The following ASMTL variants were observed in gnomAD, a reference collection of about 807,000 sequenced individuals.
ASMTL encodes probable bifunctional dTTP/UTP pyrophosphatase/methyltransferase protein.
A neutral mutation model predicts 60.3 loss-of-function variants in ASMTL; 57 were observed. The ratio of observed to expected loss-of-function variants is 0.95; its 90% CI spans 0.76 to 1.18. The LOEUF (loss-of-function observed/expected upper bound fraction) is 1.18. ASMTL is among the 50% of genes most tolerant of loss of function. The pLI, the probability that ASMTL is intolerant of heterozygous loss-of-function variation, is 0.00. For missense variants in ASMTL, 981 were observed against 852.6 expected, an observed-to-expected ratio of 1.15 and a Z score of -1.88; for synonymous variants, 419 against 373.0, an observed-to-expected ratio of 1.12 and a Z score of -1.42.
rs1271282237 is a variant in ASMTL, at chrX:1,412,802, C to G, written c.1575G>C (p.Arg525=). 1.9e-6 allele frequency: 3 copies of G among 1,613,860 alleles called. No homozygotes were observed. Among genetic ancestry groups the G allele is most frequent in the Non-Finnish European group, 2.5e-6 (3 of 1,179,876 alleles). ...TGTCGTCTGGCCAGTCATGCAGGAT[C>G]CGGCACAGGACGTACAGCTCAGCGC... ...LPSAELYVLC[R]ILHDWPDDKV... is the part of the protein sequence containing the mutation. Residue 525 remains arginine (R), a synonymous_variant, in exon 12 of 13, where the codon CGG becomes CGC. Transcript: ENST00000381317.
Position 1,435,871 on chromosome X carries a change from G to A in ASMTL, c.274-113C>T, listed in dbSNP as rs1206618110. ...TGTTTTATGGAAATGAAGCTGACAC[G>A]TCCTGAGAGTCGCCATTTCAAACAA... On this transcript the variant is annotated intron_variant, in intron 3 of 12. Coordinates refer to ENST00000381317, the MANE Select transcript of ASMTL (RefSeq NM_004192.4). The A allele has an allele frequency of 1.3e-5, 12 of 892,344 alleles. 1 individual carries two copies. Among genetic ancestry groups the A allele is most frequent in the South Asian group, 5.4e-5 (4 of 74,188 alleles). 55.3% of individuals were successfully genotyped at this position (892,344 alleles called of 1,614,324 possible).
At chrX:1,451,457 T>A (rs2091380925) in intron 1 of ASMTL, among the ~76,000 whole-genome samples, 2 of 132,670 alleles carry the variant, frequency 1.5e-5, no homozygotes, top group Non-Finnish European at 3.2e-5. Context: ...CCCTCCCTCA[T>A]CCTTTTGGGT....
intron 11 of ASMTL, among the ~76,000 whole-genome samples, chrX:1,416,906 T>A (rs1360683123): frequency 1.4e-5 from 2 of 140,652 alleles, no homozygotes; most frequent in African/African-American, 2.7e-5. Flanking sequence ...CTCAGAGACA[T>A]ACACACCACA....
intron 1 of ASMTL, among the ~76,000 whole-genome samples, chrX:1,443,799 G>A (rs1355370503): frequency 3.3e-5 from 5 of 149,866 alleles, no homozygotes; most frequent in East Asian, 2.0e-4. Context: ...CACCCCCATC[G>A]TGGACAGACA....
At chrX:1,418,674 T>C (rs1477903254) in intron 10 of ASMTL, among the ~76,000 whole-genome samples, 2 of 151,706 alleles carry the variant, frequency 1.3e-5, no homozygotes, top group Middle Eastern at 3.2e-3. Context: ...AGGGCTGGGG[T>C]GGGGTGGAGG....
At chrX:1,439,961 G>A (rs1337796727) in intron 2 of ASMTL, among the ~76,000 whole-genome samples, 2 of 152,128 alleles carry the variant, frequency 1.3e-5, no homozygotes, top group African/African-American at 4.8e-5. Context: ...ACATCTGTGT[G>A]CAGCTTTGAC....
chrX:1,452,350 A>T (rs1396436570), intron 1 of ASMTL, among the ~76,000 whole-genome samples: 1 of 131,986 alleles, frequency 7.6e-6, no homozygotes, highest in East Asian at 2.5e-4. Context: ...CCCCATCCCC[A>T]TGCCTGGGGG....
chrX:1,421,000 C>T (rs1197766747), intron 9 of ASMTL, among the ~76,000 whole-genome samples: 2 of 150,074 alleles, frequency 1.3e-5, no homozygotes, highest in Admixed American at 6.6e-5. Flanking sequence ...CGCTCTGTCA[C>T]CCAGGCTGGA....
intron 12 of ASMTL, among the ~76,000 whole-genome samples, chrX:1,407,677 A>G (rs2089916913): frequency 6.6e-6 from 1 of 152,194 alleles, no homozygotes; most frequent in Admixed American, 6.5e-5. Flanking sequence ...TGAGCCCAGG[A>G]GTTTGAAACC....
chrX:1,404,657 T>A (rs1285156048), intron 12 of ASMTL, among the ~76,000 whole-genome samples: 1 of 149,468 alleles, frequency 6.7e-6, no homozygotes, highest in Non-Finnish European at 1.5e-5. Flanking sequence ...ATGAGATGGA[T>A]GGATGGGTGA....
chrX:1,444,772 T>C (rs1751521617), intron 1 of ASMTL, among the ~76,000 whole-genome samples: 1 of 152,108 alleles, frequency 6.6e-6, no homozygotes, highest in Non-Finnish European at 1.5e-5. Context: ...GGCTAACTCC[T>C]GGATCGTGAG....
rs1351499025 is a variant in ASMTL, at chrX:1,427,888, G to T, written c.743C>A (p.Pro248His). 1.9e-6 allele frequency: 3 copies of T among 1,613,242 alleles called. No homozygotes were observed. Among genetic ancestry groups the T allele is most frequent in the Non-Finnish European group, 1.7e-6 (2 of 1,179,826 alleles). Residue 248 changes from proline to histidine, a missense_variant, in exon 7 of 13, where the codon CCC (proline) becomes CAC (histidine). Pro to His is a moderately conservative substitution (Grantham distance 77). Transcript: ENST00000381317. The part of the protein sequence containing the change: ...LSDVEGGGSE[P>H]TQRDAGSRDE... ...GCGGCTGCCCGCGTCCCTCTGAGTGGGCTCCGAGCCGCCCCCCTCCACGTC... is the reference window on the plus strand; with the variant it reads ...GCGGCTGCCCGCGTCCCTCTGAGTGTGCTCCGAGCCGCCCCCCTCCACGTC...
At chrX:1,438,426 G>T (rs2091028727) in intron 3 of ASMTL, among the ~76,000 whole-genome samples, 1 of 152,228 alleles carries the variant, frequency 6.6e-6, no homozygotes. Context: ...GCTGGAGAAA[G>T]ACCAAGACCA....
chrX:1,416,172 T>G (rs111162408), intron 11 of ASMTL, among the ~76,000 whole-genome samples: 1 of 99,168 alleles, frequency 1.0e-5, no homozygotes, highest in African/African-American at 4.3e-5. Flanking sequence ...CATACAGATA[T>G]AGCGACAGGC....
chrX:1,412,823 A>G lies in ASMTL; in HGVS notation c.1554T>C (p.Ala518=). The change falls in exon 12 of 13, where the codon GCT becomes GCC. Residue 518 remains alanine (A), a synonymous_variant. Coordinates refer to ENST00000381317, the MANE Select transcript of ASMTL (RefSeq NM_004192.4). ...GDFFRDPLPS[A]ELYVLCRILH... ...GGATCCGGCACAGGACGTACAGCTC[A>G]GCGCTGGGGAGGGGGTCCCTGAAAA... is the stretch of plus-strand genomic sequence containing the variant. 1.9e-6 allele frequency: 3 copies of G among 1,613,920 alleles called. No individual in the cohort carries two copies. Among genetic ancestry groups the G allele is most frequent in the Non-Finnish European group, 2.5e-6 (3 of 1,179,828 alleles).
intron 9 of ASMTL, 93 bp downstream of exon 9, chrX:1,421,565 C>CA: frequency 7.3e-7 from 1 of 1,370,922 alleles, no homozygotes; most frequent in Non-Finnish European, 1.0e-6. Context: ...AGACTGGAGA[C>CA]AGACTGGTCA....
At chrX:1,430,071 G>A (rs1259984706) in intron 6 of ASMTL, among the ~76,000 whole-genome samples, 3 of 151,676 alleles carry the variant, frequency 2.0e-5, no homozygotes, top group Non-Finnish European at 4.4e-5. Context: ...CTGGAGTGCA[G>A]TGGCGCGATC....
At chrX:1,424,766 TCATCCATCCACC>T (rs1252275992) in intron 8 of ASMTL, among the ~76,000 whole-genome samples, 2 of 144,818 alleles carry the variant, frequency 1.4e-5, no homozygotes, top group Non-Finnish European at 3.0e-5. Context: ...ACTCACCCAC[TCATCCATCCACC>T]CATCCATCCA....
At chrX:1,417,947 G>A (rs1329665356) in intron 11 of ASMTL, 26 bp downstream of exon 11, 1 of 1,586,956 alleles carries the variant, frequency 6.3e-7, no homozygotes, top group East Asian at 2.3e-5. Flanking sequence ...GAAAAGGTTA[G>A]CAGGGTGAAC....
Sources: gnomAD v4.1 joint callset for allele counts (sites outside exome capture counted in the v4.1 genomes callset) on GRCh38, gnomAD v4.1.1 for gene constraint, MANE v1.5 for transcripts, NCBI Gene and HGNC (gene_info 2026-07-23, HGNC 2026-07-21) for gene names.